HTR7: variants seen among roughly 807,000 people sequenced by gnomAD.
HTR7 encodes the protein 5-HT-7.
Under a neutral mutation model 34.0 loss-of-function variants are expected in HTR7, and 16 were observed. The ratio of observed to expected loss-of-function variants is 0.47; its 90% CI spans 0.32 to 0.71. The LOEUF (loss-of-function observed/expected upper bound fraction) is 0.71, where lower values mean the gene tolerates loss of function less well. Among genes scored for constraint, HTR7 ranks in the 30% least tolerant of loss-of-function variants. The probability of loss-of-function intolerance (pLI) is 0.04; values close to 1 mark genes in which losing one functional copy is unlikely to be tolerated. For missense variants in HTR7, 504 were observed against 625.5 expected (o/e 0.81, Z 2.07); for synonymous variants, 265 against 260.2 (o/e 1.02, Z -0.18).
At chr10:90,746,310 T>TC (rs1193631808) in intron 2 of HTR7, among the ~76,000 whole-genome samples, 1 of 152,254 alleles carries the variant, frequency 6.6e-6, no homozygotes, top group Non-Finnish European at 1.5e-5. Context: ...AGATTACCAT[T>TC]TTATGATCTA....
At chr10:90,755,059 T>C (rs1844815167) in intron 1 of HTR7, among the ~76,000 whole-genome samples, 1 of 152,172 alleles carries the variant, frequency 6.6e-6, no homozygotes, top group Non-Finnish European at 1.5e-5. Flanking sequence ...ACCTAGAACT[T>C]TGTGTTTAGG....
intron 1 of HTR7, among the ~76,000 whole-genome samples, chr10:90,795,337 CA>C (rs1845521840): frequency 6.6e-6 from 1 of 152,168 alleles, no homozygotes. Context: ...AACTACAGCA[CA>C]AACTCACTTT....
chr10:90,857,544 G>A lies in HTR7; in HGVS notation c.128C>T (p.Ser43Phe). 1 of 1,602,382 alleles carries A rather than the reference G, an allele frequency of 6.2e-7. No individual in the cohort carries two copies. The change falls in exon 1 of 4, where the codon TCC becomes TTC. Residue 43 changes from serine (S) to phenylalanine (F), a missense_variant. Around this residue, in one of 4 missense-constraint regions of HTR7, gnomAD observed 139 missense variants for 117.1 expected, o/e 1.19. Transcript: ENST00000336152. The surrounding 1 kb of genome is among the most constrained non-coding windows in gnomAD (Gnocchi z 6.5). The stretch of plus-strand genomic sequence containing the variant: ...CTCGCTCAGCAGGTGCGGCGCCCAG[G>A]AGCCCGCGACCGGGTCGGCGCCACC... The part of the protein sequence containing the change: ...PDGGADPVAG[S>F]WAPHLLSEVT...
intron 1 of HTR7, among the ~76,000 whole-genome samples, chr10:90,848,276 G>A (rs4933196): frequency 0.061 from 9,222 of 152,064 alleles, 414 homozygotes; most frequent in East Asian, 0.17. Context: ...TGGTCAGGCT[G>A]GTCTCGAACT....
chr10:90,776,601 T>C (rs140508790), intron 1 of HTR7, among the ~76,000 whole-genome samples: 223 of 152,332 alleles, frequency 1.5e-3, no homozygotes, highest in African/African-American at 5.2e-3. Context: ...ACATGTCACA[T>C]AGGTTGAAAG....
chr10:90,789,632 A>G (rs986651795), intron 1 of HTR7, among the ~76,000 whole-genome samples: 3 of 152,204 alleles, frequency 2.0e-5, no homozygotes, highest in South Asian at 4.1e-4. Flanking sequence ...AAAATGATAA[A>G]CAAAACAGAA....
intron 1 of HTR7, among the ~76,000 whole-genome samples, chr10:90,767,510 T>C (rs1356067991): frequency 1.3e-5 from 2 of 152,178 alleles, no homozygotes; most frequent in Admixed American, 6.5e-5. Context: ...TGAGCTGTGG[T>C]GGACTAAATA....
intron 1 of HTR7, among the ~76,000 whole-genome samples, chr10:90,840,183 A>T (rs866248876): frequency 0.044 from 6,419 of 147,264 alleles, 153 homozygotes; most frequent in Admixed American, 0.056. Flanking sequence ...TCTCTCACAC[A>T]CACACACACA....
chr10:90,808,876 A>G (rs1437723945), intron 1 of HTR7, among the ~76,000 whole-genome samples: 1 of 152,204 alleles, frequency 6.6e-6, no homozygotes, highest in East Asian at 1.9e-4. Context: ...TGGCACTTTC[A>G]ATTTTTCCAT....
chr10:90,764,840 T>C (rs965536540), intron 1 of HTR7, among the ~76,000 whole-genome samples: 1 of 152,168 alleles, frequency 6.6e-6, no homozygotes, highest in Non-Finnish European at 1.5e-5. Context: ...ATTCATCTGC[T>C]GACATAATTA....
chr10:90,757,966 ACTG>A (rs1404982558), intron 1 of HTR7, among the ~76,000 whole-genome samples: 1 of 152,188 alleles, frequency 6.6e-6, no homozygotes, highest in Non-Finnish European at 1.5e-5. Flanking sequence ...ATAAAAAGAG[ACTG>A]CTAAGTTAAG....
In HTR7 at chr10:90,768,814, G is replaced by A. The variant is rs541572505; in HGVS notation, c.540-19220C>T. Among the ~76,000 whole-genome samples the A allele has an allele frequency of 3.3e-5, 5 of 152,208 alleles. No individual in the cohort carries two copies. In the East Asian group the frequency reaches 9.7e-4, roughly 29 times the overall value. The stretch of plus-strand genomic sequence containing the variant: ...AAAATGAAATCCACACTTCAGATGA[G>A]AAAGATCAAACATAAAGAATAAAAC... On this transcript the variant is annotated intron_variant, in intron 1 of 3. Transcript: ENST00000336152.
chr10:90,833,569 A>G (rs573772487), intron 1 of HTR7, among the ~76,000 whole-genome samples: 2 of 152,346 alleles, frequency 1.3e-5, no homozygotes, highest in South Asian at 2.1e-4. Context: ...TTTATTATTA[A>G]TCTTACATTG....
At chr10:90,820,222 T>C (rs1390623530) in intron 1 of HTR7, among the ~76,000 whole-genome samples, 1 of 152,176 alleles carries the variant, frequency 6.6e-6, no homozygotes, top group African/African-American at 2.4e-5. Context: ...AGATAAACTG[T>C]TCTGCATAAT....
chr10:90,782,787 T>C (rs193103445), intron 1 of HTR7, among the ~76,000 whole-genome samples: 1 of 152,316 alleles, frequency 6.6e-6, no homozygotes, highest in Admixed American at 6.5e-5. Context: ...TCTGGGGCCT[T>C]TTTCTCCTTT....
chr10:90,767,712 T>G lies in HTR7; in HGVS notation c.540-18118A>C, dbSNP rs372182407. Among the ~76,000 whole-genome samples the G allele has an allele frequency of 4.6e-5, 7 of 152,274 alleles. No individual in the cohort carries two copies. In the East Asian group the frequency reaches 5.8e-4, roughly 13 times the overall value. ...TTGGAAAATTCCCCCTGCATTTAGC[T>G]GGTATTTGGTTGGGCTGTAGGATGC... is the stretch of plus-strand genomic sequence containing the variant. On this transcript the variant is annotated intron_variant, in intron 1 of 3. Transcript: ENST00000336152.
At chr10:90,785,745 T>G (rs763241954) in intron 1 of HTR7, among the ~76,000 whole-genome samples, 3 of 152,244 alleles carry the variant, frequency 2.0e-5, no homozygotes, top group Non-Finnish European at 4.4e-5. Context: ...TATACTTTAC[T>G]TTAGTCCTCA....
intron 1 of HTR7, among the ~76,000 whole-genome samples, 153 bp downstream of exon 1, chr10:90,856,977 TTGG>T (rs1385117556): frequency 6.6e-6 from 1 of 152,136 alleles, no homozygotes; most frequent in African/African-American, 2.4e-5. Flanking sequence ...CGAAGTTTGG[TTGG>T]TGTAGGGTGG....
intron 1 of HTR7, among the ~76,000 whole-genome samples, chr10:90,801,155 G>A (rs1268495207): frequency 1.3e-5 from 2 of 152,188 alleles, no homozygotes; most frequent in Non-Finnish European, 2.9e-5. Context: ...TCTTCAGCGT[G>A]GGCCCCATCT....
Sources: gnomAD v4.1 joint callset for allele counts (sites outside exome capture counted in the v4.1 genomes callset) on GRCh38, gnomAD v4.1.1 for gene constraint, gnomAD v4.1.1 regional missense constraint, Gnocchi (gnomAD v3.1) non-coding constraint, MANE v1.5 for transcripts, NCBI Gene and HGNC (gene_info 2026-07-23, HGNC 2026-07-21) for gene names.